The following MTARC2 variants were observed in gnomAD, a reference collection of about 807,000 sequenced individuals.
MTARC2 encodes MOCO sulphurase C-terminal domain containing 2.
In MTARC2, 27 loss-of-function variants were observed where a neutral mutation model predicts 35.6. The ratio of observed to expected loss-of-function variants is 0.76; its 90% CI spans 0.56 to 1.04. The LOEUF (loss-of-function observed/expected upper bound fraction) is 1.04. MTARC2 is among the 50% of genes least tolerant of loss of function. MTARC2 has a pLI of 0.00. For synonymous variants in MTARC2, 158 were observed against 167.1 expected (o/e 0.95, Z 0.42); for missense variants, 412 against 432.5 (o/e 0.95, Z 0.42).
At chr1:220,778,247 C>CGAA (rs1671969106) in intron 4 of MTARC2, among the ~76,000 whole-genome samples, 1 of 97,358 alleles carries the variant, frequency 1.0e-5, no homozygotes, top group African/African-American at 3.9e-5. Context: ...GACTCTGTCT[C>CGAA]AAAAAAAAAA....
At chr1:220,753,414 GGT>G (rs1224452444) in intron 1 of MTARC2, among the ~76,000 whole-genome samples, 1 of 152,184 alleles carries the variant, frequency 6.6e-6, no homozygotes, top group African/African-American at 2.4e-5. Flanking sequence ...ATTGTCTTCT[GGT>G]GTGGTTGCGG....
At chr1:220,749,181 A>C (rs551255092) in intron 1 of MTARC2, among the ~76,000 whole-genome samples, 1 of 152,178 alleles carries the variant, frequency 6.6e-6, no homozygotes. Flanking sequence ...GTTCAAGGAC[A>C]TTGGCTTAGG....
intron 4 of MTARC2, among the ~76,000 whole-genome samples, chr1:220,772,140 A>C (rs1671759726): frequency 6.6e-6 from 1 of 152,206 alleles, no homozygotes; most frequent in Non-Finnish European, 1.5e-5. Flanking sequence ...TAACTTGTTT[A>C]GCCATTCCCT....
At chr1:220,758,766 G>GT (rs1195892352) in intron 2 of MTARC2, among the ~76,000 whole-genome samples, 44 of 152,236 alleles carry the variant, frequency 2.9e-4, no homozygotes, top group African/African-American at 1.0e-3. Flanking sequence ...GTAGGGGGAA[G>GT]TAAGACATGA....
chr1:220,762,385 T>A (rs1252426417), intron 3 of MTARC2, among the ~76,000 whole-genome samples: 1 of 152,202 alleles, frequency 6.6e-6, no homozygotes, highest in African/African-American at 2.4e-5. Context: ...AGCCTCTGAT[T>A]CTGCCATGAG....
At chr1:220,770,870 C>T (rs1368664337) in intron 4 of MTARC2, among the ~76,000 whole-genome samples, 1 of 152,238 alleles carries the variant, frequency 6.6e-6, no homozygotes, top group Non-Finnish European at 1.5e-5. Context: ...CGTCAGCCTG[C>T]AGGATGTCCC....
chr1:220,763,720 C>T (rs1028281906), intron 4 of MTARC2, among the ~76,000 whole-genome samples: 21 of 152,144 alleles, frequency 1.4e-4, no homozygotes, highest in African/African-American at 4.8e-4. Context: ...CTAAACTTTC[C>T]GAGCAGTGGA....
chr1:220,769,518 G>GC (rs1274453549), intron 4 of MTARC2, among the ~76,000 whole-genome samples: 1 of 152,150 alleles, frequency 6.6e-6, no homozygotes, highest in East Asian at 1.9e-4. Context: ...CTAGTGTGTA[G>GC]CCAGGGGTGG....
chr1:220,748,858 G>GT (rs1386135700), intron 1 of MTARC2, 55 bp downstream of exon 1: 3 of 1,492,940 alleles, frequency 2.0e-6, no homozygotes, highest in East Asian at 2.8e-5. Flanking sequence ...ATGAGGAGCG[G>GT]GGGGGCAGGT....
chr1:220,748,699 C>A lies in MTARC2; in HGVS notation c.168C>A (p.Thr56=). ...RRRRRLQQVG[T]VAKLWIYPVK... ...GCCGGCGGCTGCAGCAGGTGGGCAC[C>A]GTGGCGAAGCTCTGGATCTACCCGG... Residue 56 remains threonine (T), a synonymous_variant, in exon 1 of 8, where the codon ACC becomes ACA. Coordinates refer to ENST00000366913, the MANE Select transcript of MTARC2 (RefSeq NM_017898.5). The A allele has an allele frequency of 2.5e-6, 4 of 1,593,472 alleles. No homozygotes were observed. Among genetic ancestry groups the A allele is most frequent in the Non-Finnish European group, 3.4e-6 (4 of 1,170,832 alleles).
chr1:220,782,348 A>G (rs771361850), intron 7 of MTARC2, among the ~76,000 whole-genome samples: 138 of 152,374 alleles, frequency 9.1e-4, no homozygotes, highest in Admixed American at 2.0e-3. Flanking sequence ...GGAAATGTTT[A>G]AATTGAATGT....
intron 2 of MTARC2, among the ~76,000 whole-genome samples, chr1:220,760,497 A>G (rs1671410613): frequency 6.6e-6 from 1 of 152,214 alleles, no homozygotes. Flanking sequence ...AAAGAAAGAA[A>G]ATTGATACTG....
chr1:220,770,621 G>A (rs1359889483), intron 4 of MTARC2: 1 of 944,888 alleles, frequency 1.1e-6, no homozygotes, highest in African/African-American at 1.8e-5. Context: ...TCTCTGGAGG[G>A]CTGTGAGTCA....
At chr1:220,761,860 C>A in intron 3 of MTARC2, 40 bp downstream of exon 3, 1 of 1,546,434 alleles carries the variant, frequency 6.5e-7, no homozygotes, top group Non-Finnish European at 8.7e-7. Context: ...CTACTAGTCA[C>A]CCTTCTCTTT....
intron 2 of MTARC2, among the ~76,000 whole-genome samples, chr1:220,761,280 C>T (rs1317795360): frequency 1.3e-5 from 2 of 152,236 alleles, no homozygotes; most frequent in African/African-American, 4.8e-5. Context: ...ATTCTAAGCT[C>T]AGGGTGCATC....
chr1:220,772,867 G>GA (rs1671783274), intron 4 of MTARC2, among the ~76,000 whole-genome samples: 1 of 152,212 alleles, frequency 6.6e-6, no homozygotes, highest in Middle Eastern at 3.4e-3. Context: ...CTTAAGAATA[G>GA]AAAAAATAAC....
intron 4 of MTARC2, chr1:220,770,498 G>A (rs1323037403): frequency 1.0e-6 from 1 of 985,334 alleles, no homozygotes; most frequent in African/African-American, 1.7e-5. Context: ...ACTTTACAAT[G>A]CTACCCAAGA....
chr1:220,771,906 A>C (rs1671753527), intron 4 of MTARC2, among the ~76,000 whole-genome samples: 1 of 152,202 alleles, frequency 6.6e-6, no homozygotes, highest in Non-Finnish European at 1.5e-5. Context: ...TGTATCCCAG[A>C]ACTTAAAGTA....
At chr1:220,779,901 A>T in intron 4 of MTARC2, 117 bp from the exon 5 acceptor site, 4 of 758,764 alleles carry the variant, frequency 5.3e-6, no homozygotes, top group Non-Finnish European at 8.0e-6. Context: ...TCTTGGTGTC[A>T]CCTTGTGCTG....
Sources: gnomAD v4.1 joint callset for allele counts (sites outside exome capture counted in the v4.1 genomes callset) on GRCh38, gnomAD v4.1.1 for gene constraint, MANE v1.5 for transcripts, NCBI Gene and HGNC (gene_info 2026-07-23, HGNC 2026-07-21) for gene names.